The following RBBP5 variants were observed in gnomAD, a reference collection of about 807,000 sequenced individuals.
The protein encoded by RBBP5 is RB binding protein 5, histone lysine methyltransferase complex subunit, also known as retinoblastoma-binding protein 5.
In RBBP5, 5 loss-of-function variants were observed where a neutral mutation model predicts 72.2. The ratio of observed to expected loss-of-function variants is 0.07; its 90% CI spans 0.04 to 0.15. The LOEUF (loss-of-function observed/expected upper bound fraction) is 0.15, where lower values mean the gene tolerates loss of function less well. RBBP5 is among the 10% of genes least tolerant of loss of function. The pLI is 1.00. For synonymous variants in RBBP5, 209 were observed against 237.2 expected, an observed-to-expected ratio of 0.88 and a Z score of 1.09; for missense variants, 322 against 652.2, an observed-to-expected ratio of 0.49 and a Z score of 5.51.
At chr1:205,108,198 G>A (rs1007796116) in intron 3 of RBBP5, among the ~76,000 whole-genome samples, 2 of 150,812 alleles carry the variant, frequency 1.3e-5, no homozygotes, top group African/African-American at 2.4e-5. Context: ...AGCAGATATC[G>A]CAGCATTGCA....
intron 5 of RBBP5, among the ~76,000 whole-genome samples, chr1:205,102,918 G>A (rs931103644): frequency 1.3e-5 from 2 of 151,196 alleles, no homozygotes; most frequent in Non-Finnish European, 2.9e-5. Context: ...GCTGGAACCC[G>A]GGAGGGAGAG....
rs1553352080 is a variant in RBBP5, at chr1:205,093,458, C to CCAAAAAAAAAAAAAAAAAAAAAAAAA, written c.1588+1414_1588+1415insTTTTTTTTTTTTTTTTTTTTTTTTTG. ...TGGGGACAAGAGTGAAACTCCGTTT[C>CCAAAAAAAAAAAAAAAAAAAAAAAAA]AAAAAAAAAAAAAAAAAAAAAATAT... On this transcript the variant is annotated intron_variant, in intron 13 of 13. Transcript: ENST00000264515. Among the ~76,000 whole-genome samples the CCAAAAAAAAAAAAAAAAAAAAAAAAA allele has an allele frequency of 2.2e-4, 4 of 18,326 alleles. 1 individual carries two copies. The highest frequency in any genetic ancestry group is 3.3e-4 in the African/African-American group (1 of 3,070). The allele number at this position is 18,326 out of a possible 152,430, so 12.0% of individuals were successfully genotyped here.
chr1:205,120,980 C>T (rs556785447), intron 1 of RBBP5, among the ~76,000 whole-genome samples: 1 of 152,272 alleles, frequency 6.6e-6, no homozygotes, highest in South Asian at 2.1e-4. Context: ...CCTTAAACTC[C>T]CTGCTTAATG....
intron 13 of RBBP5, among the ~76,000 whole-genome samples, chr1:205,093,642 C>T (rs1655500668): frequency 6.7e-6 from 1 of 149,162 alleles, no homozygotes; most frequent in Non-Finnish European, 1.5e-5. Context: ...ATCAGTGCAC[C>T]ACCATAAATG....
intron 11 of RBBP5, 76 bp downstream of exon 11, chr1:205,097,250 A>AG: frequency 7.4e-7 from 1 of 1,359,700 alleles, no homozygotes; most frequent in Non-Finnish European, 1.0e-6. Context: ...AGGGATAGCC[A>AG]GGGAAACTGC....
chr1:205,096,936 G>C (rs1360300305), intron 11 of RBBP5, 25 bp from the exon 12 acceptor site: 1 of 1,540,414 alleles, frequency 6.5e-7, no homozygotes, highest in South Asian at 1.3e-5. Flanking sequence ...ATCAGACAAG[G>C]GATTGGAAAA....
chr1:205,120,495 T>C (rs1453210978), intron 1 of RBBP5, among the ~76,000 whole-genome samples: 1 of 152,218 alleles, frequency 6.6e-6, no homozygotes, highest in Non-Finnish European at 1.5e-5. Flanking sequence ...TTCAGCCTGT[T>C]GATATTTTAC....
Position 205,096,744 on chromosome 1 carries a change from G to A in RBBP5, c.1334C>T (p.Ser445Phe). Residue 445 changes from serine to phenylalanine, a missense_variant, in exon 12 of 14, where the codon TCC becomes TTC. Transcript: ENST00000264515. ...TTTGGGTTTCTTCTTAGGTGGCTGG[G>A]ACCCATCTGCTGAGGACTGCCTCTT... Reference protein sequence around the residue: ...EKKRQSSADGSQPPKKKPKTT... With the variant: ...EKKRQSSADGFQPPKKKPKTT... 1 of 1,614,146 alleles carries A rather than the reference G, an allele frequency of 6.2e-7. No individual in the cohort carries two copies. Among genetic ancestry groups the A allele is most frequent in the Non-Finnish European group, 8.5e-7 (1 of 1,180,026 alleles).
chr1:205,121,585 A>G (rs1044560802), intron 1 of RBBP5, among the ~76,000 whole-genome samples: 1 of 152,122 alleles, frequency 6.6e-6, no homozygotes, highest in African/African-American at 2.4e-5. Context: ...GGGTACTTCA[A>G]CACCTGCGAT....
chr1:205,105,665 T>C (rs762559027), intron 3 of RBBP5, among the ~76,000 whole-genome samples: 2 of 152,122 alleles, frequency 1.3e-5, no homozygotes, highest in Non-Finnish European at 2.9e-5. Context: ...TTCTGAAAGG[T>C]AGACAAAGGA....
chr1:205,098,705 A>T (rs1256355808), intron 10 of RBBP5, among the ~76,000 whole-genome samples: 1 of 151,828 alleles, frequency 6.6e-6, no homozygotes, highest in Non-Finnish European at 1.5e-5. Context: ...ATTCGCTGGG[A>T]GTGGTGGCAG....
At chr1:205,116,446 T>C (rs1656525324) in intron 1 of RBBP5, 1 of 189,468 alleles carries the variant, frequency 5.3e-6, no homozygotes, top group South Asian at 8.1e-5. Context: ...TTGAGAACTG[T>C]TGACATATCC....
At chr1:205,110,999 G>A (rs546278549) in intron 3 of RBBP5, among the ~76,000 whole-genome samples, 17 of 152,256 alleles carry the variant, frequency 1.1e-4, no homozygotes, top group African/African-American at 3.6e-4. Flanking sequence ...GGGAGGCGGA[G>A]GTTGCAGTGA....
chr1:205,100,364 A>G lies in RBBP5; in HGVS notation c.633-93T>C. On this transcript the variant is annotated intron_variant, in intron 6 of 13. Coordinates refer to ENST00000264515, the MANE Select transcript of RBBP5 (RefSeq NM_005057.4). ...AATAAACTAGGGAAGAATTGAGGAA[A>G]AATCAAAGTAATAGACTAGAATATT... The G allele has an allele frequency of 2.1e-6, 3 of 1,432,982 alleles. No homozygotes were observed. In the South Asian group the frequency reaches 3.9e-5, roughly 19 times the overall value. 88.8% of individuals were successfully genotyped at this position (1,432,982 alleles called of 1,614,324 possible).
chr1:205,104,925 T>G, intron 4 of RBBP5, 103 bp downstream of exon 4: 1 of 1,269,596 alleles, frequency 7.9e-7, no homozygotes, highest in Non-Finnish European at 1.1e-6. Context: ...TTTGAAGAGA[T>G]GTGTATTTGC....
chr1:205,119,287 C>T (rs907174889), intron 1 of RBBP5, among the ~76,000 whole-genome samples: 33 of 151,962 alleles, frequency 2.2e-4, no homozygotes, highest in Admixed American at 3.3e-4. Flanking sequence ...CCCAGCTACT[C>T]GGGAGGGCTG....
chr1:205,091,596 T>C (rs1331761508), intron 13 of RBBP5: 4 of 152,184 alleles, frequency 2.6e-5, no homozygotes, highest in Non-Finnish European at 4.4e-5. Context: ...AAATGCATAC[T>C]CTCCTGTTGC....
At chr1:205,096,211 A>AATT (rs1655612261) in intron 12 of RBBP5, among the ~76,000 whole-genome samples, 4 of 152,002 alleles carry the variant, frequency 2.6e-5, no homozygotes, top group African/African-American at 9.7e-5. Flanking sequence ...AAAATAAAAT[A>AATT]AAATAAATAA....
chr1:205,096,543 G>A, intron 12 of RBBP5, 139 bp downstream of exon 12: 4 of 742,742 alleles, frequency 5.4e-6, no homozygotes, highest in Non-Finnish European at 8.9e-6. Flanking sequence ...TCATTATAAA[G>A]TTGTAAAACA....
Sources: allele counts gnomAD v4.1 joint callset (sites outside exome capture counted in the v4.1 genomes callset), GRCh38; gene constraint gnomAD v4.1.1; transcripts MANE v1.5; gene names NCBI Gene and HGNC (gene_info 2026-07-23, HGNC 2026-07-21).